The following PIKFYVE variants were observed in gnomAD, a reference collection of about 807,000 sequenced individuals.
PIKFYVE encodes the protein 1-phosphatidylinositol 3-phosphate 5-kinase.
In PIKFYVE, 122 loss-of-function variants were observed where a neutral mutation model predicts 257.9. That is an observed-to-expected ratio of 0.47 (90% CI 0.41 to 0.55). PIKFYVE has a LOEUF of 0.55. Among genes scored for constraint, PIKFYVE ranks in the 20% least tolerant of loss-of-function variants. The pLI is 0.00. For synonymous variants in PIKFYVE, 892 were observed against 868.9 expected (o/e 1.03, Z -0.47); for missense variants, 2,160 against 2,536.6 (o/e 0.85, Z 3.19).
At chr2:208,314,454 T>C (rs1162351243) in intron 14 of PIKFYVE, 31 bp downstream of exon 14, 9 of 1,592,950 alleles carry the variant, frequency 5.6e-6, no homozygotes, top group African/African-American at 1.4e-5. Flanking sequence ...ATTTTAATTT[T>C]TCACTTTTAT....
In PIKFYVE at chr2:208,325,046, T is replaced by A. The variant is rs1403689856; in HGVS notation, c.2458+9T>A. The A allele has an allele frequency of 6.2e-7, 1 of 1,614,016 alleles. No homozygotes were observed. The highest frequency in any genetic ancestry group is 1.3e-5 in the African/African-American group (1 of 74,930). ...ATTTCAGTTGCCTAATGGTGAGTGA[T>A]CTTTAGCATAGATTGACCTGAGGAA... On this transcript the variant is annotated intron_variant, in intron 19 of 41. Coordinates refer to ENST00000264380, the MANE Select transcript of PIKFYVE (RefSeq NM_015040.4).
Position 208,277,379 on chromosome 2 carries a change from T to G in PIKFYVE, c.442-158T>G, listed in dbSNP as rs139778240. Reference sequence around the variant, plus strand: ...AATATTAAGTCCTTCAATTTGTTCTTCTTCAAGATTGTCTTGGTTATTTTG... The same window carrying G: ...AATATTAAGTCCTTCAATTTGTTCTGCTTCAAGATTGTCTTGGTTATTTTG... On this transcript the variant is annotated intron_variant, in intron 4 of 41. Transcript: ENST00000264380. Among the ~76,000 whole-genome samples the G allele has an allele frequency of 3.0e-3, 460 of 152,358 alleles. 1 individual carries two copies. Among genetic ancestry groups the G allele is most frequent in the Admixed American group, 8.4e-3 (128 of 15,296 alleles).
intron 28 of PIKFYVE, 119 bp downstream of exon 28, chr2:208,337,047 C>T (rs1488135452): frequency 6.6e-6 from 5 of 755,440 alleles, no homozygotes. Context: ...GTAGGGTTTT[C>T]CATTTTGAAT....
intron 15 of PIKFYVE, among the ~76,000 whole-genome samples, chr2:208,316,047 C>T (rs1447559109): frequency 4.0e-5 from 5 of 125,118 alleles, no homozygotes; most frequent in African/African-American, 1.5e-4. Context: ...CACAACAGTC[C>T]CCAGAGTGTG....
At position 208,357,999 on chromosome 2, in the gene PIKFYVE, AAAT is replaced by A. The variant is rs755721003; in HGVS notation, c.*2698_*2700del. The A allele has an allele frequency of 2.0e-5, 3 of 152,256 alleles. No homozygotes were observed. Among genetic ancestry groups the A allele is most frequent in the African/African-American group, 7.2e-5 (3 of 41,466 alleles). 9.4% of individuals were successfully genotyped at this position (152,256 alleles called of 1,614,324 possible). ...CTTTTTTCTAATTCTGACCTAAGAA[AAAT>A]AATGAGAACAAGCTGTTGCAAGCTC... On this transcript the variant is annotated 3_prime_UTR_variant, in exon 42 of 42. Coordinates refer to ENST00000264380, the MANE Select transcript of PIKFYVE (RefSeq NM_015040.4).
chr2:208,322,702 T>TATA (rs71041303), intron 17 of PIKFYVE, among the ~76,000 whole-genome samples: 3 of 148,484 alleles, frequency 2.0e-5, no homozygotes, highest in Non-Finnish European at 4.5e-5. Flanking sequence ...TATATATATA[T>TATA]TTTTTTTATT....
In PIKFYVE at chr2:208,324,934, A is replaced by T; in HGVS notation, c.2355A>T (p.Arg785=). The T allele has an allele frequency of 1.2e-6, 2 of 1,614,096 alleles. No homozygotes were observed. The highest frequency in any genetic ancestry group is 1.7e-6 in the Non-Finnish European group (2 of 1,179,962). The change falls in exon 19 of 42, where the codon CGA becomes CGT. Residue 785 remains arginine (R), a synonymous_variant. Transcript: ENST00000264380. ...VKSQVLERIS[R]MTQGDLVMSM... ...AGCAAGTTTTGGAACGAATCAGTCGAATGACCCAAGGTGATTTAGTGATGT... is the reference window on the plus strand; with the variant it reads ...AGCAAGTTTTGGAACGAATCAGTCGTATGACCCAAGGTGATTTAGTGATGT...
intron 5 of PIKFYVE, 126 bp from the exon 6 acceptor site, chr2:208,285,600 C>G: frequency 1.3e-6 from 1 of 790,606 alleles, no homozygotes; most frequent in South Asian, 1.4e-5. Context: ...AGAGTCTGTA[C>G]TTGAAGACAT....
rs566037939 is a variant in PIKFYVE, at chr2:208,287,662, G to A, written c.822-1067G>A. On this transcript the variant is annotated intron_variant, in intron 6 of 41. Transcript: ENST00000264380. ...GTCACCCAGGCTGGAGTGCAGTGGC[G>A]TGATCTTGACTCACTGCAACCTCCG... 2.0e-4 allele frequency among the ~76,000 whole-genome samples: 31 copies of A among 152,114 alleles called. No individual in the cohort carries two copies. The South Asian group carries it at 3.1e-3, about 15-fold the overall frequency.
rs367712254 is a variant in PIKFYVE at position 208,335,350 on chromosome 2, A to G, written c.4187A>G (p.Lys1396Arg). Residue 1396 changes from lysine (K) to arginine (R), a missense_variant, in exon 25 of 42, where the codon AAA becomes AGA. By Grantham distance (26) the Lys-to-Arg change is conservative. Transcript: ENST00000264380. ...CTTGAAGTATGTGTTCCACTCCCCA[A>G]AATATTCATTAAGCGTCAGGCCCCA... ...RLLEVCVPLP[K>R]IFIKRQAPLK... is the part of the protein sequence containing the mutation. 1.2e-5 allele frequency: 20 copies of G among 1,612,898 alleles called. No individual in the cohort carries two copies. The Admixed American group carries it at 1.3e-4, about 11-fold the overall frequency.
In PIKFYVE at chr2:208,266,265, A is replaced by G. The variant is rs34366347; in HGVS notation, c.-160A>G. ...TTGGGGGGGGGAAGCGAGAAGCCGCATCAACCATGTAAGCAGCTTCGCTTC... is the reference window on the plus strand; with the variant it reads ...TTGGGGGGGGGAAGCGAGAAGCCGCGTCAACCATGTAAGCAGCTTCGCTTC... On this transcript the variant is annotated 5_prime_UTR_variant, in exon 1 of 42. Transcript: ENST00000264380. 4,988 of 152,116 alleles carry G rather than the reference A, an allele frequency of 0.033. 78 individuals carry two copies. Among genetic ancestry groups the G allele is most frequent in the African/African-American group, 0.055 (2,263 of 41,454 alleles). The allele number at this position is 152,116 out of a possible 1,614,324, so 9.4% of individuals were successfully genotyped here.
At chr2:208,281,929 A>G (rs1690866768) in intron 5 of PIKFYVE, among the ~76,000 whole-genome samples, 1 of 152,180 alleles carries the variant, frequency 6.6e-6, no homozygotes, top group Non-Finnish European at 1.5e-5. Flanking sequence ...CCTGCAGGAG[A>G]TAAGGATTTC....
At chr2:208,296,803 G>GTC (rs1212704867) in intron 7 of PIKFYVE, among the ~76,000 whole-genome samples, 1 of 152,136 alleles carries the variant, frequency 6.6e-6, no homozygotes, top group Non-Finnish European at 1.5e-5. Context: ...CTGCTGATAT[G>GTC]TTAAGTAAGA....
chr2:208,275,136 A>G (rs1689940292), intron 3 of PIKFYVE, among the ~76,000 whole-genome samples: 1 of 152,246 alleles, frequency 6.6e-6, no homozygotes, highest in African/African-American at 2.4e-5. Flanking sequence ...AAAGGGCTGT[A>G]ATTCTATAAT....
Position 208,345,150 on chromosome 2 carries a change from A to G in PIKFYVE, c.5067A>G (p.Lys1689=). The G allele has an allele frequency of 6.2e-7, 1 of 1,612,704 alleles. No individual in the cohort carries two copies. Among genetic ancestry groups the G allele is most frequent in the Non-Finnish European group, 8.5e-7 (1 of 1,178,890 alleles). ...EYRNALEELS[K]ATQWNSAEEG... is the part of the protein sequence containing the mutation. ...GAAATGCCTTAGAGGAATTGTCTAAAGCGACTCAGTGGAACAGTGCCGAAG... is the reference window on the plus strand; with the variant it reads ...GAAATGCCTTAGAGGAATTGTCTAAGGCGACTCAGTGGAACAGTGCCGAAG... Residue 1689 remains lysine, a synonymous_variant, in exon 33 of 42, where the codon AAA becomes AAG. Transcript: ENST00000264380.
rs1187789064 is a variant in PIKFYVE at position 208,347,993 on chromosome 2, G to A, written c.5344G>A (p.Gly1782Arg). ...YYQVGQTGKE[G>R]TENQGVEPQD... ...CCAGGTTGGGCAGACGGGCAAGGAG[G>A]GGACCGAGAATCAAGGCGTTGAGCC... Residue 1782 changes from glycine to arginine, a missense_variant, in exon 35 of 42, where the codon GGG (glycine) becomes AGG (arginine). Gly to Arg is a moderately radical substitution (Grantham distance 125). Transcript: ENST00000264380. 6.2e-7 allele frequency: 1 copy of A among 1,614,128 alleles called. No homozygotes were observed. Among genetic ancestry groups the A allele is most frequent in the South Asian group, 1.1e-5 (1 of 91,078 alleles).
intron 40 of PIKFYVE, 74 bp from the exon 41 acceptor site, chr2:208,354,497 A>G (rs1700036869): frequency 7.9e-7 from 1 of 1,268,784 alleles, no homozygotes; most frequent in Non-Finnish European, 1.2e-6. Flanking sequence ...TAGTAGTAAT[A>G]GTCATTGCTG....
intron 12 of PIKFYVE, among the ~76,000 whole-genome samples, chr2:208,308,950 C>T (rs576742110): frequency 2.2e-4 from 34 of 152,284 alleles, no homozygotes; most frequent in African/African-American, 6.7e-4. Flanking sequence ...TCAGGCAGTC[C>T]GCCAACCTAG....
intron 16 of PIKFYVE, among the ~76,000 whole-genome samples, chr2:208,318,621 G>A (rs1695836014): frequency 2.0e-5 from 3 of 152,280 alleles, no homozygotes; most frequent in Non-Finnish European, 2.9e-5. Flanking sequence ...TCATTCAGTA[G>A]GTTAAGGGCA....
Sources: allele counts gnomAD v4.1 joint callset (sites outside exome capture counted in the v4.1 genomes callset), GRCh38; gene constraint gnomAD v4.1.1; transcripts MANE v1.5; gene names NCBI Gene and HGNC (gene_info 2026-07-23, HGNC 2026-07-21).